The following KAZN variants were observed in gnomAD, a reference collection of about 807,000 sequenced individuals.
The protein encoded by KAZN is kazrin.
A neutral mutation model predicts 87.4 loss-of-function variants in KAZN; 40 were observed. That is an observed-to-expected ratio of 0.46 (90% CI 0.36 to 0.60). The LOEUF (loss-of-function observed/expected upper bound fraction) is 0.60. Ranked by LOEUF, KAZN falls within the 20% of genes least tolerant of loss-of-function variation. KAZN has a pLI of 0.00. For missense variants in KAZN, 898 were observed against 1,073.9 expected (o/e 0.84, Z 2.29); for synonymous variants, 466 against 458.3 (o/e 1.02, Z -0.22).
chr1:14,212,096 A>G (rs1393145250), intron 2 of KAZN, among the ~76,000 whole-genome samples: 1 of 152,184 alleles, frequency 6.6e-6, no homozygotes, highest in Non-Finnish European at 1.5e-5. Context: ...TCCATTGATA[A>G]TGTTTGCTGC....
chr1:14,407,727 AATG>A (rs1183917104), intron 2 of KAZN, among the ~76,000 whole-genome samples: 5 of 144,336 alleles, frequency 3.5e-5, no homozygotes, highest in East Asian at 2.0e-4. Flanking sequence ...GTTCTTAACA[AATG>A]ATGGACAAAA....
intron 10 of KAZN, among the ~76,000 whole-genome samples, chr1:15,098,424 A>G (rs986719190): frequency 3.3e-5 from 5 of 152,256 alleles, no homozygotes; most frequent in Admixed American, 3.3e-4. Flanking sequence ...AATTGTGGGC[A>G]TGCAGATGGA....
rs138849977 is a variant in KAZN, at chr1:14,734,911, G to A, written c.226+135688G>A. On this transcript the variant is annotated intron_variant, in intron 1 of 14. Transcript: ENST00000376030. ...TTTTAGTTCCGCCTCCTTTTACCAT[G>A]CCTCCCCATAGTCCCGTTGGGCTTT... Among the ~76,000 whole-genome samples the A allele has an allele frequency of 1.4e-3, 215 of 152,302 alleles. 1 individual carries two copies. Among genetic ancestry groups the A allele is most frequent in the African/African-American group, 5.1e-3 (211 of 41,578 alleles).
intron 1 of KAZN, among the ~76,000 whole-genome samples, chr1:14,759,074 G>A (rs1644659254): frequency 1.3e-5 from 2 of 152,162 alleles, no homozygotes; most frequent in Admixed American, 6.5e-5. Flanking sequence ...AAGAAGGGAG[G>A]GAGGATTCTC....
intron 1 of KAZN, among the ~76,000 whole-genome samples, chr1:14,651,885 T>A (rs1377923963): frequency 1.3e-5 from 2 of 152,212 alleles, no homozygotes; most frequent in Non-Finnish European, 2.9e-5. Flanking sequence ...CTTCACATAA[T>A]AGACAGGTAG....
intron 1 of KAZN, among the ~76,000 whole-genome samples, chr1:14,685,710 G>C (rs1640914223): frequency 6.6e-6 from 1 of 152,186 alleles, no homozygotes; most frequent in African/African-American, 2.4e-5. Flanking sequence ...TGGGAGAAAT[G>C]CTGTTTAGTT....
At chr1:14,121,157 T>C (rs1033993179) in intron 1 of KAZN, among the ~76,000 whole-genome samples, 1 of 152,218 alleles carries the variant, frequency 6.6e-6, no homozygotes, top group African/African-American at 2.4e-5. Context: ...TCACCCATGT[T>C]GCTTTATCAA....
intron 2 of KAZN, among the ~76,000 whole-genome samples, chr1:14,561,381 C>G (rs576384544): frequency 6.6e-6 from 1 of 152,244 alleles, no homozygotes; most frequent in African/African-American, 2.4e-5. Flanking sequence ...ATGACAGACC[C>G]GAGACTGGCG....
chr1:14,202,338 T>A (rs1030080923), intron 2 of KAZN, among the ~76,000 whole-genome samples: 1 of 152,228 alleles, frequency 6.6e-6, no homozygotes, highest in African/African-American at 2.4e-5. Context: ...GTTCCTCTTC[T>A]GAAGTTTTTA....
chr1:13,940,221 T>C (rs538090614), intron 1 of KAZN, among the ~76,000 whole-genome samples: 2 of 152,314 alleles, frequency 1.3e-5, no homozygotes, highest in East Asian at 3.9e-4. Context: ...CAGTTCTTCC[T>C]TGCACATCTG....
chr1:14,891,786 G>C (rs536235132), intron 1 of KAZN, among the ~76,000 whole-genome samples: 1 of 151,796 alleles, frequency 6.6e-6, no homozygotes, highest in South Asian at 2.1e-4. Flanking sequence ...TTTTTTCTTT[G>C]TACTTTCTCC....
chr1:14,798,933 T>G (rs1405790225), intron 1 of KAZN, among the ~76,000 whole-genome samples: 1 of 137,982 alleles, frequency 7.2e-6, no homozygotes, highest in Non-Finnish European at 1.6e-5. Flanking sequence ...GCCAATTATT[T>G]GTTTGTTTGT....
intron 1 of KAZN, among the ~76,000 whole-genome samples, chr1:14,724,439 C>T (rs1643282248): frequency 6.6e-6 from 1 of 152,168 alleles, no homozygotes; most frequent in African/African-American, 2.4e-5. Flanking sequence ...TTTTTTGTGG[C>T]CTTAATTCCA....
At chr1:14,262,345 A>T (rs1437988261) in intron 2 of KAZN, among the ~76,000 whole-genome samples, 1 of 152,216 alleles carries the variant, frequency 6.6e-6, no homozygotes, top group Non-Finnish European at 1.5e-5. Flanking sequence ...GATGACTAAA[A>T]TTGGTAAAAG....
intron 1 of KAZN, among the ~76,000 whole-genome samples, chr1:14,013,685 G>A (rs542748114): frequency 1.3e-5 from 2 of 152,304 alleles, no homozygotes; most frequent in East Asian, 1.9e-4. Flanking sequence ...TCCTGACACC[G>A]TAATCAAACT....
At chr1:14,687,337 G>A (rs1363927590) in intron 1 of KAZN, among the ~76,000 whole-genome samples, 2 of 152,174 alleles carry the variant, frequency 1.3e-5, no homozygotes, top group Admixed American at 1.3e-4. Context: ...GAGAGATGAC[G>A]TCAACAAGCA....
chr1:14,572,649 C>T (rs907342199), intron 2 of KAZN, among the ~76,000 whole-genome samples: 2 of 152,134 alleles, frequency 1.3e-5, no homozygotes, highest in African/African-American at 4.8e-5. Context: ...CGCATTGAGC[C>T]TATTCCTGAA....
At chr1:14,204,777 T>A (rs1037010400) in intron 2 of KAZN, among the ~76,000 whole-genome samples, 4 of 152,334 alleles carry the variant, frequency 2.6e-5, no homozygotes, top group Non-Finnish European at 5.9e-5. Context: ...TATGGCATAT[T>A]TCAGCTGGCA....
chr1:13,930,722 A>G (rs1239369713), intron 1 of KAZN, among the ~76,000 whole-genome samples: 1 of 152,252 alleles, frequency 6.6e-6, no homozygotes, highest in Non-Finnish European at 1.5e-5. Flanking sequence ...GGTTTTACCA[A>G]GGTAGGAACC....
Sources: allele counts gnomAD v4.1 joint callset (sites outside exome capture counted in the v4.1 genomes callset), GRCh38; gene constraint gnomAD v4.1.1; transcripts MANE v1.5; gene names NCBI Gene and HGNC (gene_info 2026-07-23, HGNC 2026-07-21).